Variants in ZNF814 observed in about 807,000 individuals in gnomAD.
ZNF814 encodes the protein zinc finger protein 814.
ZNF814 carries 5 observed loss-of-function variants against 7.5 expected under a neutral mutation model. The ratio of observed to expected loss-of-function variants is 0.67; its 90% confidence interval spans 0.35 to 1.40. The LOEUF (loss-of-function observed/expected upper bound fraction) is 1.40. ZNF814 is among the 40% of genes most tolerant of loss of function. ZNF814 has a pLI of 0.04. For synonymous variants in ZNF814, 315 were observed against 340.7 expected, an observed-to-expected ratio of 0.92 and a Z score of 0.83; for missense variants, 962 against 1,018.0, an observed-to-expected ratio of 0.94 and a Z score of 0.75.
chr19:57,870,510 G>A lies in ZNF814; in HGVS notation c.*2312C>T, dbSNP rs767188519. On this transcript the variant is annotated 3_prime_UTR_variant, in exon 3 of 3. Coordinates refer to ENST00000435989, the MANE Select transcript of ZNF814 (RefSeq NM_001144989.2). Reference sequence around the variant, plus strand: ...CTATCATCTTCCTCCTGTTAATGCAGGAATGACCTTGAGGAGAACAGCCCA... The same window carrying A: ...CTATCATCTTCCTCCTGTTAATGCAAGAATGACCTTGAGGAGAACAGCCCA... 2.6e-5 allele frequency: 4 copies of A among 152,122 alleles called. No individual in the cohort carries two copies. Among genetic ancestry groups the A allele is most frequent in the Non-Finnish European group, 4.4e-5 (3 of 68,032 alleles). 9.4% of individuals were successfully genotyped at this position (152,122 alleles called of 1,614,324 possible).
rs755890824 is a variant in ZNF814 at position 57,875,128 on chromosome 19, G to C, written c.262C>G (p.Pro88Ala). 6 of 1,561,344 alleles carry C rather than the reference G, an allele frequency of 3.8e-6. No individual in the cohort carries two copies. The highest frequency in any genetic ancestry group is 5.2e-6 in the Non-Finnish European group (6 of 1,151,084). ...QVRTPMAGVS[P>A]KKAHPCEMCG... The stretch of plus-strand genomic sequence containing the variant: ...ATCTCACAGGGGTGGGCCTTCTTGG[G>C]AGACACACCTGCCATAGGAGTCCTG... Residue 88 changes from proline (P) to alanine (A), a missense_variant, in exon 3 of 3, where the codon CCC (proline) becomes GCC (alanine). Pro to Ala is a conservative substitution (Grantham distance 27). Coordinates refer to ENST00000435989, the MANE Select transcript of ZNF814 (RefSeq NM_001144989.2).
chr19:57,876,482 G>C (rs1477053355), intron 2 of ZNF814: 1 of 212,462 alleles, frequency 4.7e-6, no homozygotes, highest in African/African-American at 2.3e-5. Context: ...AAAAAACTGA[G>C]TATTTCAAGG....
the ZNF814 span, among the ~76,000 whole-genome samples, chr19:57,902,584 CTT>C: frequency 2.1e-5 from 3 of 140,166 alleles, no homozygotes; most frequent in Non-Finnish European, 3.2e-5. Flanking sequence ...TATGTTCTCT[CTT>C]TTCTTTCTAA....
intron 1 of ZNF814, among the ~76,000 whole-genome samples, chr19:57,883,035 C>G (rs2071660564): frequency 6.6e-6 from 1 of 152,164 alleles, no homozygotes; most frequent in African/African-American, 2.4e-5. Flanking sequence ...AGAATTCTAT[C>G]AGATAAATTT....
Position 57,874,858 on chromosome 19 carries a change from C to T in ZNF814, c.532G>A (p.Asp178Asn), listed in dbSNP as rs762269153. ...ESSVFSESGK[D>N]FLPRSGLLQQ... ...AGTAATCCTGACCTGGGCAAAAAGT[C>T]CTTCCCACTCTCACTGAAGACAGAT... Residue 178 changes from aspartate to asparagine, a missense_variant, in exon 3 of 3, where the codon GAC becomes AAC. By Grantham distance (23) the Asp-to-Asn change is conservative. Transcript: ENST00000435989. The T allele has an allele frequency of 5.6e-6, 9 of 1,614,024 alleles. No individual in the cohort carries two copies. Among genetic ancestry groups the T allele is most frequent in the African/African-American group, 1.3e-5 (1 of 74,906 alleles).
the ZNF814 span, among the ~76,000 whole-genome samples, chr19:57,902,650 G>A: frequency 6.6e-6 from 1 of 151,840 alleles, no homozygotes; most frequent in East Asian, 1.9e-4. Flanking sequence ...TTAGCAGTAG[G>A]AAATATTACT....
upstream of ZNF814, among the ~76,000 whole-genome samples, chr19:57,893,041 T>C (rs1465600874): frequency 6.6e-6 from 1 of 152,170 alleles, no homozygotes; most frequent in Non-Finnish European, 1.5e-5. Flanking sequence ...TTTAGCTTTG[T>C]ATTGCAGATT....
chr19:57,883,154 C>T (rs1048859525), intron 1 of ZNF814, among the ~76,000 whole-genome samples: 6 of 151,734 alleles, frequency 4.0e-5, no homozygotes, highest in East Asian at 1.9e-4. Flanking sequence ...TTCAGGAGAT[C>T]GAGACCATCC....
chr19:57,891,025 C>T (rs775914622), upstream of ZNF814, among the ~76,000 whole-genome samples: 3 of 152,090 alleles, frequency 2.0e-5, no homozygotes, highest in South Asian at 2.1e-4. Flanking sequence ...GCCATAAAGA[C>T]GTTGCTGATA....
At chr19:57,901,050 G>GTGTTAGCCATGA in the ZNF814 span, among the ~76,000 whole-genome samples, 1 of 150,962 alleles carries the variant, frequency 6.6e-6, no homozygotes, top group Admixed American at 6.6e-5. Context: ...GGGTTTCACC[G>GTGTTAGCCATGA]TGGTCTTGAT....
At chr19:57,891,348 A>C (rs1325621148), upstream of ZNF814, among the ~76,000 whole-genome samples, 4 of 149,214 alleles carry the variant, frequency 2.7e-5, no homozygotes, top group Admixed American at 1.3e-4. Flanking sequence ...ACACGGTGAA[A>C]TCCTGTCTCT....
chr19:57,895,871 A>C, the ZNF814 span, among the ~76,000 whole-genome samples: 1 of 152,198 alleles, frequency 6.6e-6, no homozygotes. Context: ...TCCACAGTGC[A>C]AAGAAAAGTA....
intron 1 of ZNF814, among the ~76,000 whole-genome samples, chr19:57,878,200 A>G (rs1354135303): frequency 1.3e-5 from 2 of 151,208 alleles, no homozygotes; most frequent in African/African-American, 4.9e-5. Context: ...CAAATATATT[A>G]ACAGCCTGAT....
chr19:57,872,655 A>AT lies in ZNF814; in HGVS notation c.*166dup. ...AGGATTTCCCACATTCACTGCACTC[A>AT]TAAGGTGGTGTGACCAGTGTGAACT... On this transcript the variant is annotated 3_prime_UTR_variant, in exon 3 of 3. Coordinates refer to ENST00000435989, the MANE Select transcript of ZNF814 (RefSeq NM_001144989.2). The AT allele has an allele frequency of 6.5e-7, 1 of 1,530,068 alleles. No homozygotes were observed. Among genetic ancestry groups the AT allele is most frequent in the Non-Finnish European group, 8.9e-7 (1 of 1,120,048 alleles). 94.8% of individuals were successfully genotyped at this position (1,530,068 alleles called of 1,614,324 possible). A position where few individuals can be genotyped will look rare whatever the true frequency, so the allele number is the denominator to read the frequency against.
At chr19:57,894,611 C>T in the ZNF814 span, among the ~76,000 whole-genome samples, 43 of 151,746 alleles carry the variant, frequency 2.8e-4, no homozygotes, top group Admixed American at 1.3e-4. Context: ...GGGCAGATCA[C>T]GAGGTCAGGA....
At chr19:57,901,938 A>T in the ZNF814 span, among the ~76,000 whole-genome samples, 1 of 152,144 alleles carries the variant, frequency 6.6e-6, no homozygotes. Context: ...CATAGATAAC[A>T]GAGTGCCGAT....
upstream of ZNF814, among the ~76,000 whole-genome samples, chr19:57,892,986 G>A (rs1286321689): frequency 6.6e-6 from 1 of 152,106 alleles, no homozygotes; most frequent in Non-Finnish European, 1.5e-5. Context: ...TAATGTGTAT[G>A]TTTTGTCACA....
At position 57,888,835 on chromosome 19, in the gene ZNF814, A is replaced by G; in HGVS notation, c.-33T>C. 1 of 1,551,392 alleles carries G rather than the reference A, an allele frequency of 6.4e-7. No individual in the cohort carries two copies. Among genetic ancestry groups the G allele is most frequent in the Admixed American group, 2.0e-5 (1 of 50,978 alleles). Reference sequence around the variant, plus strand: ...CGTGGTTTTAAGCAGAGTCGGGAGGATAGGGCGACCAGCCAGGAGATATGG... The same window carrying G: ...CGTGGTTTTAAGCAGAGTCGGGAGGGTAGGGCGACCAGCCAGGAGATATGG... On this transcript the variant is annotated 5_prime_UTR_variant, in exon 1 of 3. Coordinates refer to ENST00000435989, the MANE Select transcript of ZNF814 (RefSeq NM_001144989.2).
rs2071554022 is a variant in ZNF814, at chr19:57,871,156, A to G, written c.*1666T>C. 6.6e-6 allele frequency: 1 copy of G among 152,198 alleles called. No individual in the cohort carries two copies. The allele number at this position is 152,198 out of a possible 1,614,324, so 9.4% of individuals were successfully genotyped here. ...TCAGGGCATGTGTCTGCATTGCAAG[A>G]GCTGGGCAACAGACTTCCCTCAGCC... On this transcript the variant is annotated 3_prime_UTR_variant, in exon 3 of 3. Coordinates refer to ENST00000435989, the MANE Select transcript of ZNF814 (RefSeq NM_001144989.2).
Sources: gnomAD v4.1 joint callset for allele counts (sites outside exome capture counted in the v4.1 genomes callset) on GRCh38, gnomAD v4.1.1 for gene constraint, MANE v1.5 for transcripts, NCBI Gene and HGNC (gene_info 2026-07-23, HGNC 2026-07-21) for gene names.